TMPRSS6: variants seen among roughly 807,000 people sequenced by gnomAD.
The protein encoded by TMPRSS6 is transmembrane protease serine 6.
TMPRSS6 carries 67 observed loss-of-function variants against 101.5 expected under a neutral mutation model. The observed-to-expected ratio is 0.66, with a 90% confidence interval of 0.54 to 0.81. The LOEUF (loss-of-function observed/expected upper bound fraction) is 0.81, where lower values mean the gene tolerates loss of function less well. TMPRSS6 is among the 30% of genes least tolerant of loss of function. The pLI is 0.00. For synonymous variants in TMPRSS6, 453 were observed against 464.9 expected (o/e 0.97, Z 0.33); for missense variants, 1,034 against 1,088.7 (o/e 0.95, Z 0.71).
At chr22:37,072,783 ATG>A (rs1927213747) in intron 13 of TMPRSS6, among the ~76,000 whole-genome samples, 1 of 134,836 alleles carries the variant, frequency 7.4e-6, no homozygotes. Context: ...TGGATGGATG[ATG>A]GACGGATGGA....
At chr22:37,068,953 C>G in intron 16 of TMPRSS6, 120 bp downstream of exon 16, 1 of 1,461,134 alleles carries the variant, frequency 6.8e-7, no homozygotes, top group East Asian at 2.5e-5. Context: ...AATCCCAGCA[C>G]TAGAGGGCCT....
intron 8 of TMPRSS6, among the ~76,000 whole-genome samples, chr22:37,085,357 G>T (rs376038322): frequency 6.6e-6 from 1 of 152,086 alleles, no homozygotes; most frequent in African/African-American, 2.4e-5. Context: ...CTCCCGCCTC[G>T]AGCCTGTGTC....
chr22:37,070,871 C>T (rs200558667), intron 14 of TMPRSS6, 45 bp downstream of exon 14: 2 of 1,577,904 alleles, frequency 1.3e-6, no homozygotes, highest in African/African-American at 2.7e-5. Flanking sequence ...GTGGGCACCC[C>T]CTCCCTCCCA....
At chr22:37,105,781 C>CA (rs1433899934) in intron 1 of TMPRSS6, among the ~76,000 whole-genome samples, 1 of 152,204 alleles carries the variant, frequency 6.6e-6, no homozygotes, top group East Asian at 1.9e-4. Flanking sequence ...GTGATCCTCC[C>CA]ACCTCAGCCT....
In TMPRSS6 at chr22:37,095,925, G is replaced by A. The variant is rs773297269; in HGVS notation, c.570C>T (p.Pro190=). 1.4e-5 allele frequency: 22 copies of A among 1,613,964 alleles called. No homozygotes were observed. The highest frequency in any genetic ancestry group is 6.7e-5 in the East Asian group (3 of 44,888). The change falls in exon 5 of 18, where the codon CCC becomes CCT. Residue 190 remains proline (P), a synonymous_variant. Coordinates refer to ENST00000676104, the MANE Select transcript of TMPRSS6 (RefSeq NM_001374504.1). ...VPYRAEYEVD[P]EGLVILEASV... The stretch of plus-strand genomic sequence containing the variant: ...ACTGACCCAGGATCACTAGGCCCTC[G>A]GGGTCCACTTCGTACTCGGCCCTGT...
At chr22:37,082,769 G>A (rs539552983) in intron 10 of TMPRSS6, 47 of 358,006 alleles carry the variant, frequency 1.3e-4, no homozygotes, top group Admixed American at 2.7e-4. Context: ...GCACTGCTTC[G>A]CCATATCACC....
At chr22:37,089,998 T>C (rs1569016136) in intron 6 of TMPRSS6, among the ~76,000 whole-genome samples, 1 of 152,252 alleles carries the variant, frequency 6.6e-6, no homozygotes, top group East Asian at 1.9e-4. Flanking sequence ...ACTCATGGAA[T>C]GGACACACAC....
At chr22:37,100,272 G>A (rs569397556) in intron 2 of TMPRSS6, among the ~76,000 whole-genome samples, 7 of 152,374 alleles carry the variant, frequency 4.6e-5, no homozygotes, top group East Asian at 3.9e-4. Context: ...GGCCCCAAGC[G>A]AGGTTTTAAG....
chr22:37,075,629 G>A (rs543731056), intron 10 of TMPRSS6, among the ~76,000 whole-genome samples: 9 of 152,308 alleles, frequency 5.9e-5, no homozygotes, highest in South Asian at 4.1e-4. Flanking sequence ...TTGGCTGGGC[G>A]CAGTGGCTCA....
intron 6 of TMPRSS6, among the ~76,000 whole-genome samples, chr22:37,094,386 G>C (rs1234330791): frequency 2.0e-5 from 2 of 99,022 alleles, no homozygotes; most frequent in African/African-American, 8.8e-5. Flanking sequence ...ATTGATGATA[G>C]ATAGATAGAT....
At chr22:37,098,007 C>CG (rs68036712) in intron 3 of TMPRSS6, among the ~76,000 whole-genome samples, 245 of 3,790 alleles carry the variant, frequency 0.065, no homozygotes, top group Admixed American at 0.099. Flanking sequence ...GGGGCAGGAG[C>CG]GGCCACCGTC....
chr22:37,098,629 A>C (rs1930039121), intron 2 of TMPRSS6, 80 bp from the exon 3 acceptor site: 1 of 1,601,672 alleles, frequency 6.2e-7, no homozygotes, highest in Non-Finnish European at 8.5e-7. Flanking sequence ...TTCTCCTGCC[A>C]CCCACACCCT....
In TMPRSS6 at chr22:37,103,016, G is replaced by A. The variant is rs1930455081; in HGVS notation, c.202+200C>T. On this transcript the variant is annotated intron_variant, in intron 2 of 17. Transcript: ENST00000676104. The surrounding 1 kb of genome is among the most constrained non-coding windows in gnomAD (Gnocchi z 4.4). ...AGCAGGAAGCAGACCCGAGCCATAG[G>A]ACCTGGAGCCAGGGTCTGACAGCAT... Among the ~76,000 whole-genome samples, 1 of 152,046 alleles carries A rather than the reference G, an allele frequency of 6.6e-6. No individual in the cohort carries two copies. The highest frequency in any genetic ancestry group is 6.5e-5 in the Admixed American group (1 of 15,268).
chr22:37,071,003 A>C lies in TMPRSS6; in HGVS notation c.1585T>G (p.Cys529Gly). The C allele has an allele frequency of 6.2e-7, 1 of 1,613,218 alleles. No individual in the cohort carries two copies. The change falls in exon 14 of 18, where the codon TGT becomes GGT. Residue 529 changes from cysteine to glycine, a missense_variant. Cys to Gly is a radical substitution (Grantham distance 159, BLOSUM62 -3). Transcript: ENST00000676104. ...GVPCGTFTFQ[C>G]EDRSCVKKPN... ...TTCTTCACGCAGCTCCGGTCCTCAC[A>C]CTGGAAGGTGAATGTCCCACATGGC...
intron 12 of TMPRSS6, 97 bp downstream of exon 12, chr22:37,074,513 A>T: frequency 8.7e-7 from 1 of 1,148,050 alleles, no homozygotes; most frequent in South Asian, 1.3e-5. Flanking sequence ...TGGAAGCTGC[A>T]TGTAGAAGTG....
intron 15 of TMPRSS6, 101 bp downstream of exon 15, chr22:37,070,378 ACCACC>A: frequency 7.0e-7 from 1 of 1,422,876 alleles, no homozygotes; most frequent in Non-Finnish European, 9.9e-7. Context: ...TGGGGGGTCC[ACCACC>A]CTTCCCTCTA....
intron 8 of TMPRSS6, among the ~76,000 whole-genome samples, chr22:37,085,955 G>A (rs1053910704): frequency 2.6e-5 from 4 of 152,110 alleles, no homozygotes; most frequent in Admixed American, 2.0e-4. Context: ...CCAGGCGAGT[G>A]AGGAGGGAGG....
intron 16 of TMPRSS6, 93 bp from the exon 17 acceptor site, chr22:37,067,055 C>G: frequency 6.4e-7 from 1 of 1,572,390 alleles, no homozygotes; most frequent in Non-Finnish European, 8.7e-7. Flanking sequence ...ATCTCAGGAG[C>G]CTACTTCTCT....
chr22:37,065,716 G>T lies in TMPRSS6; in HGVS notation c.*364C>A, dbSNP rs1926209693. On this transcript the variant is annotated 3_prime_UTR_variant, in exon 18 of 18. Coordinates refer to ENST00000676104, the MANE Select transcript of TMPRSS6 (RefSeq NM_001374504.1). ...AGGCAAGGCTGCCCAAACAGCCTCT[G>T]TACAGAGTGGGGCGCACCTCAGACA... 3.0e-6 allele frequency: 1 copy of T among 329,390 alleles called. No homozygotes were observed. Among genetic ancestry groups the T allele is most frequent in the African/African-American group, 2.1e-5 (1 of 47,286 alleles). 20.4% of individuals were successfully genotyped at this position (329,390 alleles called of 1,614,324 possible). A position where few individuals can be genotyped will look rare whatever the true frequency, so the allele number is the denominator to read the frequency against.
Sources: gnomAD v4.1 joint callset for allele counts (sites outside exome capture counted in the v4.1 genomes callset) on GRCh38, gnomAD v4.1.1 for gene constraint, Gnocchi (gnomAD v3.1) non-coding constraint, MANE v1.5 for transcripts, NCBI Gene and HGNC (gene_info 2026-07-23, HGNC 2026-07-21) for gene names.